GATA3: variants seen among roughly 807,000 people sequenced by gnomAD.
GATA3 encodes GATA binding protein 3.
Under a neutral mutation model 36.0 loss-of-function variants are expected in GATA3, and 6 were observed. The ratio of observed to expected loss-of-function variants is 0.17; its 90% CI spans 0.09 to 0.33. GATA3 has a LOEUF of 0.33. GATA3 is among the 10% of genes least tolerant of loss of function. The pLI, the probability that GATA3 is intolerant of heterozygous loss-of-function variation, is 1.00. For missense variants in GATA3, 514 were observed against 610.1 expected, an observed-to-expected ratio of 0.84 and a Z score of 1.66; for synonymous variants, 326 against 273.0, an observed-to-expected ratio of 1.19 and a Z score of -1.92.
upstream of GATA3, chr10:8,052,944 G>C (rs185599035): frequency 2.0e-5 from 3 of 146,512 alleles, no homozygotes; most frequent in Admixed American, 2.1e-4. Context: ...CTTTCTTTCT[G>C]TCCTATATAT....
At chr10:8,049,744 G>A (rs1374159025), upstream of GATA3, among the ~76,000 whole-genome samples, 1 of 152,192 alleles carries the variant, frequency 6.6e-6, no homozygotes, top group Admixed American at 6.5e-5. Context: ...GGAGGGGGCG[G>A]TGAGGCTGGC....
At chr10:8,065,891 G>A (rs1353041424) in intron 4 of GATA3, among the ~76,000 whole-genome samples, 4 of 129,804 alleles carry the variant, frequency 3.1e-5, no homozygotes, top group African/African-American at 1.1e-4. Flanking sequence ...AAAGGCTAGA[G>A]GTGTTAGTGC....
Position 8,068,096 on chromosome 10 carries a change from GT to G in GATA3, c.925-1370del, listed in dbSNP as rs1228148149. On this transcript the variant is annotated intron_variant, in intron 4 of 5. Coordinates refer to ENST00000379328, the MANE Select transcript of GATA3 (RefSeq NM_001002295.2). ...GACCCAACTCCATTTTCTTCCAATG[GT>G]TTTTTTCAGTTTTATTTTTTTAAAG... Among the ~76,000 whole-genome samples the G allele has an allele frequency of 2.6e-5, 4 of 152,184 alleles. 1 individual carries two copies. Among genetic ancestry groups the G allele is most frequent in the African/African-American group, 2.4e-5 (1 of 41,498 alleles).
upstream of GATA3, chr10:8,051,027 T>C: frequency 1.9e-6 from 1 of 521,636 alleles, no homozygotes; most frequent in South Asian, 1.4e-5. Flanking sequence ...CTCCGCGCCC[T>C]GGGTCTGTAG....
At chr10:8,049,287 C>T (rs1012438373), upstream of GATA3, among the ~76,000 whole-genome samples, 3 of 152,194 alleles carry the variant, frequency 2.0e-5, no homozygotes, top group Non-Finnish European at 4.4e-5. Context: ...CATCATCTTC[C>T]CATTGCCAGT....
chr10:8,058,415 T>TCCA lies in GATA3; in HGVS notation c.353_355dup (p.Ser118_Lys119insThr). ...CTCCCCCTGGAATCTCAGCCCCTTC[T>TCCA]CCAAGACGTCCATCCACCACGGCTC... On this transcript the variant is annotated inframe_insertion, in exon 3 of 6. Coordinates refer to ENST00000379328, the MANE Select transcript of GATA3 (RefSeq NM_001002295.2). 6.2e-7 allele frequency: 1 copy of TCCA among 1,612,896 alleles called. No homozygotes were observed. Among genetic ancestry groups the TCCA allele is most frequent in the Middle Eastern group, 1.6e-4 (1 of 6,062 alleles).
chr10:8,047,714 C>T (rs1216244233), intron 1 of GATA3, among the ~76,000 whole-genome samples: 1 of 152,212 alleles, frequency 6.6e-6, no homozygotes, highest in Non-Finnish European at 1.5e-5. Flanking sequence ...TAGTGAAGAA[C>T]AGGCACATGC....
chr10:8,054,117 T>C (rs992262085), upstream of GATA3, among the ~76,000 whole-genome samples: 1 of 152,104 alleles, frequency 6.6e-6, no homozygotes, highest in African/African-American at 2.4e-5. The surrounding 1 kb of genome is among the most constrained non-coding windows in gnomAD (Gnocchi z 4.2). Context: ...CTCACCCTCT[T>C]AGGAAGTCGG....
At chr10:8,065,853 C>T (rs571557318) in intron 4 of GATA3, among the ~76,000 whole-genome samples, 6 of 76,808 alleles carry the variant, frequency 7.8e-5, no homozygotes, top group African/African-American at 3.1e-4. Context: ...CGTATCAGAA[C>T]AAGAAGTGTT....
chr10:8,058,989 G>A, intron 3 of GATA3, 148 bp downstream of exon 3: 1 of 738,996 alleles, frequency 1.4e-6, no homozygotes, highest in Non-Finnish European at 2.2e-6. Context: ...CTGCCGGGAA[G>A]GCACTGCATG....
At chr10:8,048,679 C>T (rs1832421624), upstream of GATA3, among the ~76,000 whole-genome samples, 1 of 152,194 alleles carries the variant, frequency 6.6e-6, no homozygotes, top group Non-Finnish European at 1.5e-5. Flanking sequence ...TCCAGGGTGA[C>T]TCCAATTCCT....
In GATA3 at chr10:8,058,667, C is replaced by G; in HGVS notation, c.604C>G (p.Arg202Gly). The G allele has an allele frequency of 6.2e-7, 1 of 1,613,292 alleles. No individual in the cohort carries two copies. Among genetic ancestry groups the G allele is most frequent in the Non-Finnish European group, 8.5e-7 (1 of 1,179,984 alleles). ...CATGAAGCTGGAGTCGTCCCACTCCCGTGGCAGCATGACCGCCCTGGGTGG... is the reference window on the plus strand; with the variant it reads ...CATGAAGCTGGAGTCGTCCCACTCCGGTGGCAGCATGACCGCCCTGGGTGG... ...DSMKLESSHS[R>G]GSMTALGGAS... The change falls in exon 3 of 6, where the codon CGT (arginine) becomes GGT (glycine). Residue 202 changes from arginine (R) to glycine (G), a missense_variant. By Grantham distance (125) the Arg-to-Gly change is moderately radical. This residue lies in a region of GATA3 where 381 missense variants were observed against 354.3 expected (regional missense o/e 1.08). Coordinates refer to ENST00000379328, the MANE Select transcript of GATA3 (RefSeq NM_001002295.2).
At chr10:8,063,723 G>C (rs1207691804) in intron 3 of GATA3, among the ~76,000 whole-genome samples, 1 of 152,182 alleles carries the variant, frequency 6.6e-6, no homozygotes, top group Non-Finnish European at 1.5e-5. Flanking sequence ...ATCAAGTCGG[G>C]CAAGCCAAGA....
intron 4 of GATA3, among the ~76,000 whole-genome samples, chr10:8,068,261 A>G (rs1163270815): frequency 6.6e-6 from 1 of 152,202 alleles, no homozygotes; most frequent in African/African-American, 2.4e-5. Context: ...ACCTGCAACT[A>G]TGCTACTCCA....
intron 4 of GATA3, among the ~76,000 whole-genome samples, chr10:8,065,962 T>TAAAAAA (rs66810069): frequency 1.1e-5 from 1 of 91,058 alleles, no homozygotes; most frequent in Non-Finnish European, 2.2e-5. Context: ...CTGGCCTTAG[T>TAAAAAA]AAAAAAAAAA....
At position 8,055,988 on chromosome 10, in the gene GATA3, C is replaced by A; in HGVS notation, c.241+92C>A. ...GAGGGACCTGAGGGCGGGGAGAGGT[C>A]AAGCGAAAGCCCCCATCTGCCGTTC... On this transcript the variant is annotated intron_variant, in intron 2 of 5. Transcript: ENST00000379328. The surrounding 1 kb of genome is among the most constrained non-coding windows in gnomAD (Gnocchi z 5.4). 5.4e-6 allele frequency: 8 copies of A among 1,493,948 alleles called. No individual in the cohort carries two copies. Among genetic ancestry groups the A allele is most frequent in the African/African-American group, 1.4e-5 (1 of 71,748 alleles). 92.5% of individuals were successfully genotyped at this position (1,493,948 alleles called of 1,614,324 possible).
At chr10:8,072,614 C>T (rs1471855811) in intron 5 of GATA3, among the ~76,000 whole-genome samples, 4 of 152,186 alleles carry the variant, frequency 2.6e-5, no homozygotes, top group South Asian at 2.1e-4. Flanking sequence ...CAGATGTCTC[C>T]GAGACTGAAG....
At chr10:8,048,700 C>A (rs1176302531), upstream of GATA3, among the ~76,000 whole-genome samples, 1 of 152,224 alleles carries the variant, frequency 6.6e-6, no homozygotes, top group East Asian at 1.9e-4. Flanking sequence ...TTCCACTCAC[C>A]CTCAAGGCGA....
rs777368917 is a variant in GATA3 at position 8,073,823 on chromosome 10, G to T, written c.1135G>T (p.Val379Leu). Residue 379 changes from valine to leucine, a missense_variant, in exon 6 of 6, where the codon GTG (valine) becomes TTG (leucine). Physicochemically the swap from Val to Leu is conservative, Grantham distance 32. Around this residue, in one of 3 missense-constraint regions of GATA3, gnomAD observed 89 missense variants for 104.2 expected, o/e 0.85. Transcript: ENST00000379328. ...TAGCAAATCCAAAAAGTGCAAAAAA[G>T]TGCATGACTCACTGGAGGACTTCCC... is the stretch of plus-strand genomic sequence containing the variant. Reference protein sequence around the residue: ...MSSKSKKCKKVHDSLEDFPKN... With the variant: ...MSSKSKKCKKLHDSLEDFPKN... 1.2e-6 allele frequency: 2 copies of T among 1,613,938 alleles called. No individual in the cohort carries two copies. Among genetic ancestry groups the T allele is most frequent in the African/African-American group, 2.7e-5 (2 of 74,878 alleles).
Sources: gnomAD v4.1 joint callset for allele counts (sites outside exome capture counted in the v4.1 genomes callset) on GRCh38, gnomAD v4.1.1 for gene constraint, gnomAD v4.1.1 regional missense constraint, Gnocchi (gnomAD v3.1) non-coding constraint, MANE v1.5 for transcripts, NCBI Gene and HGNC (gene_info 2026-07-23, HGNC 2026-07-21) for gene names.